MCPH1: variants seen among roughly 807,000 people sequenced by gnomAD.
MCPH1 encodes the protein microcephalin 1.
In MCPH1, 104 loss-of-function variants were observed where a neutral mutation model predicts 84.5. The observed-to-expected ratio is 1.23, with a 90% CI of 1.05 to 1.45. MCPH1 has a LOEUF of 1.45. Among genes scored for constraint, MCPH1 ranks in the 40% most tolerant of loss-of-function variants. The probability of loss-of-function intolerance (pLI) is 0.00; values close to 1 mark genes in which losing one functional copy is unlikely to be tolerated. For synonymous variants in MCPH1, 514 were observed against 366.8 expected, an observed-to-expected ratio of 1.40 and a Z score of -4.58; for missense variants, 1,498 against 1,005.7, an observed-to-expected ratio of 1.49 and a Z score of -6.62.
rs1197595359 is a variant in MCPH1 at position 6,435,961 on chromosome 8, A to G, written c.322-87A>G. 15 of 1,484,848 alleles carry G rather than the reference A, an allele frequency of 1.0e-5. No individual in the cohort carries two copies. The African/African-American group carries it at 1.5e-4, about 15-fold the overall frequency. The allele number at this position is 1,484,848 out of a possible 1,614,324, so 92.0% of individuals were successfully genotyped here. ...AATTTTTTATTACTGATGTTATAAA[A>G]GGTATCAGAAATGTATGCGAAAGGG... On this transcript the variant is annotated intron_variant, in intron 4 of 13. Transcript: ENST00000344683.
intron 12 of MCPH1, among the ~76,000 whole-genome samples, chr8:6,604,477 C>T (rs946692669): frequency 6.6e-6 from 1 of 152,178 alleles, no homozygotes; most frequent in African/African-American, 2.4e-5. Flanking sequence ...AATGTGAGAG[C>T]ACATGTCAGA....
intron 7 of MCPH1, among the ~76,000 whole-genome samples, chr8:6,443,596 T>G (rs1803828602): frequency 6.6e-6 from 1 of 152,206 alleles, no homozygotes; most frequent in African/African-American, 2.4e-5. Flanking sequence ...CTTCTTCATA[T>G]TCATTCCAGT....
Position 6,630,501 on chromosome 8 carries a change from A to G in MCPH1, c.2452+8810A>G, listed in dbSNP as rs574817621. On this transcript the variant is annotated intron_variant, in intron 13 of 13. Transcript: ENST00000344683. ...TTAAATAGGTAAAATATGTACATCA[A>G]CTGGGCACAGTGGCTCACGCCTGTA... is the stretch of plus-strand genomic sequence containing the variant. Among the ~76,000 whole-genome samples the G allele has an allele frequency of 1.7e-3, 252 of 152,310 alleles. 1 individual carries two copies. Among genetic ancestry groups the G allele is most frequent in the African/African-American group, 5.4e-3 (223 of 41,580 alleles).
intron 11 of MCPH1, among the ~76,000 whole-genome samples, chr8:6,497,247 G>A (rs1454993811): frequency 3.3e-5 from 5 of 151,372 alleles, no homozygotes; most frequent in South Asian, 2.1e-4. Flanking sequence ...TTGAGAGGCC[G>A]AAGCAGGTGG....
chr8:6,421,385 G>A (rs1321300046), intron 3 of MCPH1, among the ~76,000 whole-genome samples: 1 of 152,062 alleles, frequency 6.6e-6, no homozygotes, highest in Non-Finnish European at 1.5e-5. Context: ...CTAACTACCT[G>A]TAATACTTCA....
intron 12 of MCPH1, chr8:6,503,155 G>A (rs781086750): frequency 6.2e-7 from 1 of 1,614,078 alleles, no homozygotes; most frequent in East Asian, 2.2e-5. Flanking sequence ...AATAGCCTGA[G>A]CCTTTCCAGT....
At chr8:6,526,426 C>A (rs1490960279) in intron 12 of MCPH1, among the ~76,000 whole-genome samples, 1 of 151,644 alleles carries the variant, frequency 6.6e-6, no homozygotes, top group African/African-American at 2.4e-5. Context: ...CAGAGTGAGA[C>A]CCTGTCTCAA....
intron 12 of MCPH1, among the ~76,000 whole-genome samples, chr8:6,538,075 G>T (rs1820827129): frequency 6.6e-6 from 1 of 152,080 alleles, no homozygotes; most frequent in Non-Finnish European, 1.5e-5. Flanking sequence ...TTCGAAATAG[G>T]ATTTTGCAAC....
At chr8:6,520,402 C>T (rs1045803128) in intron 12 of MCPH1, among the ~76,000 whole-genome samples, 2 of 152,118 alleles carry the variant, frequency 1.3e-5, no homozygotes, top group Non-Finnish European at 2.9e-5. Flanking sequence ...ATCATGACCC[C>T]ATTGCCTGCC....
Position 6,473,887 on chromosome 8 carries a change from C to G in MCPH1, c.1936-3707C>G, listed in dbSNP as rs1336485518. Reference sequence around the variant, plus strand: ...TCCACTGCTCAATCCATTTCAAGATCTGATCTACATTATTTTCTAGCTCTT... The same window carrying G: ...TCCACTGCTCAATCCATTTCAAGATGTGATCTACATTATTTTCTAGCTCTT... On this transcript the variant is annotated intron_variant, in intron 9 of 13. Coordinates refer to ENST00000344683, the MANE Select transcript of MCPH1 (RefSeq NM_024596.5). The G allele has an allele frequency of 3.3e-6, 5 of 1,520,482 alleles. No homozygotes were observed. In the East Asian group the frequency reaches 6.8e-5, roughly 21 times the overall value. The allele number at this position is 1,520,482 out of a possible 1,614,324, so 94.2% of individuals were successfully genotyped here. A position where few individuals can be genotyped will look rare whatever the true frequency, so the allele number is the denominator to read the frequency against.
intron 12 of MCPH1, among the ~76,000 whole-genome samples, chr8:6,575,394 C>T (rs1826990879): frequency 6.6e-6 from 1 of 152,166 alleles, no homozygotes; most frequent in Non-Finnish European, 1.5e-5. Context: ...GCAGGTTCTG[C>T]AGATCATGGC....
chr8:6,614,235 G>A (rs992579910), intron 12 of MCPH1, among the ~76,000 whole-genome samples: 7 of 152,332 alleles, frequency 4.6e-5, no homozygotes, highest in South Asian at 2.1e-4. Flanking sequence ...GTTGTGCAGA[G>A]CCAGGGCTTT....
At chr8:6,530,042 G>A (rs553286102) in intron 12 of MCPH1, among the ~76,000 whole-genome samples, 10 of 151,830 alleles carry the variant, frequency 6.6e-5, no homozygotes, top group Non-Finnish European at 1.5e-4. Flanking sequence ...AAGTTCCCAT[G>A]CTTGGATCTA....
chr8:6,496,328 G>C (rs1811222088), intron 11 of MCPH1, among the ~76,000 whole-genome samples: 1 of 152,136 alleles, frequency 6.6e-6, no homozygotes, highest in African/African-American at 2.4e-5. Flanking sequence ...GTGGAGCTCA[G>C]GTGGTAATTA....
At chr8:6,626,214 G>A (rs1832059134) in intron 13 of MCPH1, 1 of 985,356 alleles carries the variant, frequency 1.0e-6, no homozygotes, top group Admixed American at 6.1e-5. Flanking sequence ...TGCTGGCATA[G>A]AACAGGGAGT....
At chr8:6,490,430 T>C (rs751305329) in intron 11 of MCPH1, among the ~76,000 whole-genome samples, 1 of 152,202 alleles carries the variant, frequency 6.6e-6, no homozygotes, top group Admixed American at 6.5e-5. Context: ...TCAAGGCTTC[T>C]AAACTCTATC....
At chr8:6,521,486 T>G in intron 12 of MCPH1, 1 of 1,031,890 alleles carries the variant, frequency 9.7e-7, no homozygotes, top group Admixed American at 2.7e-5. Context: ...TTTCTACTTC[T>G]CCAAGGTACT....
rs144994157 is a variant in MCPH1, at chr8:6,641,791, G to T, written c.2453-1203G>T. On this transcript the variant is annotated intron_variant, in intron 13 of 13. Transcript: ENST00000344683. ...TCATAATAATACCTGCTTCACTGTTGTGGAGAGAATTAAGTAGTATGCCTA... is the reference window on the plus strand; with the variant it reads ...TCATAATAATACCTGCTTCACTGTTTTGGAGAGAATTAAGTAGTATGCCTA... Among the ~76,000 whole-genome samples the T allele has an allele frequency of 2.0e-5, 3 of 152,278 alleles. No individual in the cohort carries two copies. The East Asian group carries it at 5.8e-4, about 29-fold the overall frequency.
At chr8:6,565,278 G>A (rs1350004269) in intron 12 of MCPH1, among the ~76,000 whole-genome samples, 1 of 152,126 alleles carries the variant, frequency 6.6e-6, no homozygotes, top group Non-Finnish European at 1.5e-5. Flanking sequence ...CATTAAATGG[G>A]GATCAGTTCT....
Sources: allele counts gnomAD v4.1 joint callset (sites outside exome capture counted in the v4.1 genomes callset), GRCh38; gene constraint gnomAD v4.1.1; transcripts MANE v1.5; gene names NCBI Gene and HGNC (gene_info 2026-07-23, HGNC 2026-07-21).